Variants in RP1 observed in about 807,000 individuals in gnomAD.
The protein encoded by RP1 is oxygen-regulated protein 1.
RP1 carries 16 observed loss-of-function variants against 14.8 expected under a neutral mutation model. The observed-to-expected ratio is 1.08, with a 90% CI of 0.73 to 1.65. The LOEUF is 1.65. Among genes scored for constraint, RP1 ranks in the 40% most tolerant of loss-of-function variants. The pLI, the probability that RP1 is intolerant of heterozygous loss-of-function variation, is 0.00. For synonymous variants in RP1, 876 were observed against 883.6 expected (o/e 0.99, Z 0.15); for missense variants, 2,631 against 2,535.0 (o/e 1.04, Z -0.81).
chr8:54,563,762 T>C (rs535775712), intron 1 of RP1, among the ~76,000 whole-genome samples: 1 of 152,146 alleles, frequency 6.6e-6, no homozygotes, highest in African/African-American at 2.4e-5. Flanking sequence ...TAGCTTAGGG[T>C]GGTCTCAAAC....
chr8:54,576,462 C>T (rs529091076), intron 1 of RP1, among the ~76,000 whole-genome samples: 2 of 152,320 alleles, frequency 1.3e-5, no homozygotes, highest in South Asian at 2.1e-4. Context: ...CATTACTTAC[C>T]GGCAACCTAA....
At chr8:54,676,013 A>G (rs1807288108) in intron 8 of RP1, among the ~76,000 whole-genome samples, 1 of 152,050 alleles carries the variant, frequency 6.6e-6, no homozygotes, top group African/African-American at 2.4e-5. Context: ...AGGCCTCGCT[A>G]GTTCCCTGAA....
intron 24 of RP1, among the ~76,000 whole-genome samples, chr8:54,789,579 G>C (rs1169420915): frequency 6.6e-6 from 1 of 152,162 alleles, no homozygotes; most frequent in Non-Finnish European, 1.5e-5. Flanking sequence ...CTACCGTGAA[G>C]CCCAGTCTAT....
chr8:54,686,670 A>T (rs1313442793), intron 12 of RP1, among the ~76,000 whole-genome samples: 1 of 152,110 alleles, frequency 6.6e-6, no homozygotes, highest in African/African-American at 2.4e-5. Context: ...CTATTGTGGG[A>T]TCTTATCACT....
chr8:54,642,057 G>A (rs1234394073), intron 3 of RP1, among the ~76,000 whole-genome samples: 1 of 152,106 alleles, frequency 6.6e-6, no homozygotes, highest in Non-Finnish European at 1.5e-5. Flanking sequence ...AAATGGTTCA[G>A]TCTTTTCTGT....
At chr8:54,852,204 T>C (rs969410910) in intron 25 of RP1, among the ~76,000 whole-genome samples, 2 of 152,202 alleles carry the variant, frequency 1.3e-5, no homozygotes, top group African/African-American at 4.8e-5. Context: ...CAGCTGTGAT[T>C]AGAACAGCCA....
At chr8:54,847,281 A>G (rs1310626814) in intron 25 of RP1, among the ~76,000 whole-genome samples, 4 of 152,206 alleles carry the variant, frequency 2.6e-5, no homozygotes, top group African/African-American at 9.6e-5. Flanking sequence ...AGATTCTTTC[A>G]GTCTGTTTCA....
At chr8:54,785,574 G>A (rs1810297947) in intron 24 of RP1, among the ~76,000 whole-genome samples, 1 of 151,924 alleles carries the variant, frequency 6.6e-6, no homozygotes, top group Admixed American at 6.6e-5. Flanking sequence ...TAAAATTTCT[G>A]AATCATATGT....
rs1189869267 is a variant in RP1, at chr8:54,725,389, T to C, written c.2390-956T>C. On this transcript the variant is annotated intron_variant, in intron 16 of 22. Coordinates refer to the RP1 transcript ENST00000636932. ...AAACTATGTTTTAAAAGGATTAGTA[T>C]TTAAAAGCTTATTATTGTCTGAAAT... Among the ~76,000 whole-genome samples, 4 of 152,178 alleles carry C rather than the reference T, an allele frequency of 2.6e-5. No homozygotes were observed. The East Asian group carries it at 7.7e-4, about 29-fold the overall frequency.
intron 24 of RP1, among the ~76,000 whole-genome samples, chr8:54,835,511 G>C (rs1811636102): frequency 6.6e-6 from 1 of 152,102 alleles, no homozygotes; most frequent in Admixed American, 6.5e-5. Flanking sequence ...ATTTCCTTCT[G>C]TGAGTGCTTG....
At chr8:54,688,600 T>C (rs1246449553) in intron 12 of RP1, among the ~76,000 whole-genome samples, 1 of 152,184 alleles carries the variant, frequency 6.6e-6, no homozygotes, top group Admixed American at 6.5e-5. Context: ...TTCTGTCAGG[T>C]TTGTCAAAGA....
intron 23 of RP1, among the ~76,000 whole-genome samples, chr8:54,782,900 C>G (rs1810223593): frequency 6.6e-6 from 1 of 151,890 alleles, no homozygotes; most frequent in South Asian, 2.1e-4. Context: ...TTGCATGATG[C>G]ATTGTCTTTC....
intron 7 of RP1, chr8:54,663,975 C>T (rs541784873): frequency 2.0e-5 from 18 of 912,848 alleles, no homozygotes; most frequent in Non-Finnish European, 2.3e-5. Flanking sequence ...AGTATATTCA[C>T]ATTTCTGTGC....
At chr8:54,759,096 T>C in intron 22 of RP1, 3 of 1,530,246 alleles carry the variant, frequency 2.0e-6, no homozygotes, top group Non-Finnish European at 2.6e-6. Flanking sequence ...GTCTCCAAGA[T>C]ACTTCAAAAG....
chr8:54,564,462 T>G, intron 1 of RP1, among the ~76,000 whole-genome samples: 1 of 151,924 alleles, frequency 6.6e-6, no homozygotes, highest in Admixed American at 6.6e-5. Context: ...GCTCAGAGGG[T>G]TGTTGTGACA....
At chr8:54,646,810 C>T (rs888893028) in intron 3 of RP1, among the ~76,000 whole-genome samples, 5 of 152,056 alleles carry the variant, frequency 3.3e-5, no homozygotes, top group Admixed American at 6.6e-5. Context: ...GCATTTTTAG[C>T]AAGTATTGAT....
intron 1 of RP1, among the ~76,000 whole-genome samples, chr8:54,605,976 T>C (rs1383160969): frequency 6.6e-6 from 1 of 151,536 alleles, no homozygotes; most frequent in Non-Finnish European, 1.5e-5. Flanking sequence ...AGCACACTGA[T>C]GGGTCTTGAC....
chr8:54,831,380 T>G (rs904978672), intron 24 of RP1, among the ~76,000 whole-genome samples: 1 of 150,122 alleles, frequency 6.7e-6, no homozygotes, highest in African/African-American at 2.5e-5. Flanking sequence ...TCTTTCTCTT[T>G]TTTGGGATAA....
chr8:54,760,632 G>T (rs536540693), intron 22 of RP1, among the ~76,000 whole-genome samples: 1 of 152,198 alleles, frequency 6.6e-6, no homozygotes, highest in Admixed American at 6.5e-5. Context: ...TATAACATCT[G>T]ACTCTATATT....
Sources: gnomAD v4.1 joint callset for allele counts (sites outside exome capture counted in the v4.1 genomes callset) on GRCh38, gnomAD v4.1.1 for gene constraint, MANE v1.5 for transcripts, NCBI Gene and HGNC (gene_info 2026-07-23, HGNC 2026-07-21) for gene names.